The following RBMS3 variants were observed in gnomAD, a reference collection of about 807,000 sequenced individuals.
The protein encoded by RBMS3 is RNA-binding motif, single-stranded-interacting protein 3.
A neutral mutation model predicts 66.8 loss-of-function variants in RBMS3; 27 were observed. The ratio of observed to expected loss-of-function variants is 0.40; its 90% CI spans 0.30 to 0.56. The LOEUF is 0.56. Among genes scored for constraint, RBMS3 ranks in the 20% least tolerant of loss-of-function variants. The probability of loss-of-function intolerance (pLI) is 0.40; values close to 1 mark genes in which losing one functional copy is unlikely to be tolerated. For missense variants in RBMS3, 513 were observed against 549.5 expected (o/e 0.93, Z 0.66); for synonymous variants, 188 against 183.0 (o/e 1.03, Z -0.22).
At chr3:29,473,860 C>T (rs552825359) in intron 2 of RBMS3, among the ~76,000 whole-genome samples, 1 of 152,378 alleles carries the variant, frequency 6.6e-6, no homozygotes, top group East Asian at 1.9e-4. Context: ...CCGCGCGCAG[C>T]CCCGGTTCCC....
At chr3:29,918,655 T>A (rs1267657232) in intron 10 of RBMS3, among the ~76,000 whole-genome samples, 2 of 152,166 alleles carry the variant, frequency 1.3e-5, no homozygotes, top group Non-Finnish European at 2.9e-5. Context: ...TTAATGATAC[T>A]GTTTGCACTT....
At chr3:29,326,358 C>G (rs771025954) in intron 1 of RBMS3, among the ~76,000 whole-genome samples, 3 of 152,132 alleles carry the variant, frequency 2.0e-5, no homozygotes, top group Non-Finnish European at 4.4e-5. Flanking sequence ...TTGCTAATTA[C>G]TTTCTGTTTA....
chr3:29,835,855 G>T (rs2058492197), intron 6 of RBMS3, among the ~76,000 whole-genome samples: 2 of 151,400 alleles, frequency 1.3e-5, no homozygotes, highest in Non-Finnish European at 1.5e-5. Context: ...TTAAAAAAAG[G>T]TAAACAAAAT....
chr3:29,565,334 CTGTT>C (rs1404746509), intron 3 of RBMS3, among the ~76,000 whole-genome samples: 4 of 152,140 alleles, frequency 2.6e-5, no homozygotes, highest in Non-Finnish European at 4.4e-5. Context: ...GCTTGTGACA[CTGTT>C]TGTGAATTTT....
At chr3:29,524,490 C>T (rs1369821015) in intron 3 of RBMS3, among the ~76,000 whole-genome samples, 2 of 126,238 alleles carry the variant, frequency 1.6e-5, no homozygotes, top group Non-Finnish European at 3.1e-5. Flanking sequence ...CGCAGTGGTG[C>T]GATCTCGGTT....
chr3:29,535,735 TTTTTTTG>T, intron 3 of RBMS3, among the ~76,000 whole-genome samples: 1 of 142,128 alleles, frequency 7.0e-6, no homozygotes, highest in Non-Finnish European at 1.5e-5. Context: ...TTTTTTTTTT[TTTTTTTG>T]CTGGTAAATA....
intron 3 of RBMS3, among the ~76,000 whole-genome samples, chr3:29,568,789 T>C (rs764250417): frequency 3.8e-4 from 58 of 152,088 alleles, no homozygotes; most frequent in Non-Finnish European, 7.6e-4. Flanking sequence ...ATTGTCCAGG[T>C]GGAGTTTGGA....
At chr3:29,550,980 C>T (rs1008218501) in intron 3 of RBMS3, among the ~76,000 whole-genome samples, 64 of 152,318 alleles carry the variant, frequency 4.2e-4, no homozygotes, top group African/African-American at 1.5e-3. Context: ...AAAGTCTCTG[C>T]TACATTCTCT....
At chr3:29,936,241 G>T (rs1410623565) in intron 11 of RBMS3, 45 bp downstream of exon 11, 2 of 1,542,216 alleles carry the variant, frequency 1.3e-6, no homozygotes, top group Non-Finnish European at 1.8e-6. Flanking sequence ...TTTTTGATCA[G>T]ATGTGATATT....
intron 10 of RBMS3, among the ~76,000 whole-genome samples, chr3:29,922,651 ATAATT>A (rs781529088): frequency 1.2e-4 from 19 of 152,224 alleles, no homozygotes; most frequent in South Asian, 4.1e-4. Context: ...CATATATACT[ATAATT>A]TGAGTACCCC....
At chr3:29,408,536 T>C (rs998720327) in intron 1 of RBMS3, among the ~76,000 whole-genome samples, 20 of 152,146 alleles carry the variant, frequency 1.3e-4, no homozygotes, top group East Asian at 9.6e-4. Flanking sequence ...TGTTACAGAA[T>C]AGACATTTGA....
At chr3:29,358,049 C>T (rs761611791) in intron 1 of RBMS3, among the ~76,000 whole-genome samples, 36 of 148,694 alleles carry the variant, frequency 2.4e-4, no homozygotes, top group South Asian at 6.3e-4. Context: ...AAGCTCTTTA[C>T]GTAGATCCCA....
intron 6 of RBMS3, among the ~76,000 whole-genome samples, chr3:29,831,674 A>G (rs368817579): frequency 8.0e-4 from 122 of 152,252 alleles, no homozygotes; most frequent in African/African-American, 2.7e-3. Context: ...ACTTTTACCA[A>G]AGAAAAGCAG....
chr3:29,821,115 T>C (rs1483230572), intron 6 of RBMS3, among the ~76,000 whole-genome samples: 1 of 152,228 alleles, frequency 6.6e-6, no homozygotes, highest in South Asian at 2.1e-4. Flanking sequence ...CCAAATGGAA[T>C]TCATTATCCA....
chr3:29,457,564 A>G (rs1455931017), intron 2 of RBMS3, among the ~76,000 whole-genome samples: 4 of 139,704 alleles, frequency 2.9e-5, no homozygotes, highest in Non-Finnish European at 6.2e-5. Flanking sequence ...TCTACTAAAT[A>G]TACAAAAATC....
intron 6 of RBMS3, among the ~76,000 whole-genome samples, chr3:29,846,878 A>T (rs1352833271): frequency 6.6e-6 from 1 of 152,220 alleles, no homozygotes; most frequent in African/African-American, 2.4e-5. Flanking sequence ...CTTGTTTTAA[A>T]AAGAACTATG....
At chr3:29,679,794 T>TATATTATAC (rs2051412838) in intron 4 of RBMS3, among the ~76,000 whole-genome samples, 1 of 141,378 alleles carries the variant, frequency 7.1e-6, no homozygotes, top group Admixed American at 6.8e-5. Flanking sequence ...ATATTATACA[T>TATATTATAC]AGTGTTATAA....
At chr3:29,996,093 A>C (rs1336160708) in intron 14 of RBMS3, among the ~76,000 whole-genome samples, 1 of 151,480 alleles carries the variant, frequency 6.6e-6, no homozygotes, top group African/African-American at 2.4e-5. Context: ...CCAATGGAAA[A>C]CAAAAAAAGG....
At chr3:29,361,347 C>T (rs531272372) in intron 1 of RBMS3, among the ~76,000 whole-genome samples, 1 of 150,884 alleles carries the variant, frequency 6.6e-6, no homozygotes, top group Admixed American at 6.6e-5. Context: ...GTTGAAAATT[C>T]TTTTATTTAA....
Sources: gnomAD v4.1 joint callset for allele counts (sites outside exome capture counted in the v4.1 genomes callset) on GRCh38, gnomAD v4.1.1 for gene constraint, MANE v1.5 for transcripts, NCBI Gene and HGNC (gene_info 2026-07-23, HGNC 2026-07-21) for gene names.